The following ARMH3 variants were observed in gnomAD, a reference collection of about 807,000 sequenced individuals.
ARMH3 encodes the protein armadillo-like helical domain-containing protein 3.
A neutral mutation model predicts 99.1 loss-of-function variants in ARMH3; 60 were observed. That is an observed-to-expected ratio of 0.61 (90% CI 0.49 to 0.75). The LOEUF (loss-of-function observed/expected upper bound fraction) is 0.75, where lower values mean the gene tolerates loss of function less well. Ranked by LOEUF, ARMH3 falls within the 30% of genes least tolerant of loss-of-function variation. The pLI is 0.00. For synonymous variants in ARMH3, 285 were observed against 292.8 expected (o/e 0.97, Z 0.27); for missense variants, 679 against 843.1 (o/e 0.81, Z 2.41).
chr10:102,053,125 A>G (rs551685714), intron 1 of ARMH3, among the ~76,000 whole-genome samples: 1 of 151,542 alleles, frequency 6.6e-6, no homozygotes, highest in Admixed American at 6.6e-5. Context: ...GTCAATTGCA[A>G]CAACTCTAAT....
At chr10:101,924,836 A>C (rs1843447678) in intron 23 of ARMH3, among the ~76,000 whole-genome samples, 1 of 152,056 alleles carries the variant, frequency 6.6e-6, no homozygotes. Context: ...TCTACTAAAA[A>C]TACAAAAATT....
intron 23 of ARMH3, among the ~76,000 whole-genome samples, chr10:101,895,988 G>A (rs2067823206): frequency 6.6e-6 from 1 of 152,174 alleles, no homozygotes; most frequent in Admixed American, 6.5e-5. Flanking sequence ...TAGCAAGGCT[G>A]GGCACAGTGA....
chr10:101,900,931 C>G (rs1465882868), intron 23 of ARMH3, among the ~76,000 whole-genome samples: 3 of 152,152 alleles, frequency 2.0e-5, no homozygotes, highest in African/African-American at 7.2e-5. Context: ...TTACAGTGAG[C>G]TGTGATCATG....
At position 101,849,767 on chromosome 10, in the gene ARMH3, G is replaced by A. The variant is rs775857372; in HGVS notation, c.1977+9C>T. On this transcript the variant is annotated intron_variant, in intron 25 of 25. Coordinates refer to ENST00000370033, the MANE Select transcript of ARMH3 (RefSeq NM_024541.3). ...CCTAAGACACAGGCAGAGGCGGTGG[G>A]GCACTCACCAGCTCTTTGAAGAAGG... is the stretch of plus-strand genomic sequence containing the variant. 2.2e-5 allele frequency: 36 copies of A among 1,611,878 alleles called. No individual in the cohort carries two copies. The highest frequency in any genetic ancestry group is 3.0e-5 in the Non-Finnish European group (35 of 1,178,272).
chr10:101,961,855 G>A (rs903153915), intron 20 of ARMH3, among the ~76,000 whole-genome samples: 8 of 152,172 alleles, frequency 5.3e-5, no homozygotes, highest in African/African-American at 9.7e-5. Context: ...AACATAGTAC[G>A]GTTAATCAGT....
intron 20 of ARMH3, among the ~76,000 whole-genome samples, chr10:101,966,640 A>G (rs1244868551): frequency 3.3e-5 from 5 of 152,054 alleles, no homozygotes; most frequent in Non-Finnish European, 7.4e-5. Flanking sequence ...CACACCCCAC[A>G]AGGAACCTTT....
At chr10:101,912,690 C>T (rs949731418) in intron 23 of ARMH3, among the ~76,000 whole-genome samples, 5 of 152,168 alleles carry the variant, frequency 3.3e-5, no homozygotes, top group African/African-American at 1.2e-4. Flanking sequence ...CTGTTTAGAA[C>T]CTCCAGCATA....
At chr10:101,992,520 G>A (rs371641622) in intron 17 of ARMH3, among the ~76,000 whole-genome samples, 1 of 150,384 alleles carries the variant, frequency 6.6e-6, no homozygotes, top group East Asian at 1.9e-4. Context: ...TTTTGAGACG[G>A]AGTCTCGCTC....
intron 1 of ARMH3, among the ~76,000 whole-genome samples, chr10:102,055,784 G>A (rs953421026): frequency 4.6e-5 from 7 of 152,210 alleles, no homozygotes; most frequent in Admixed American, 1.3e-4. Flanking sequence ...CACCTCGGAA[G>A]CCAGAAGGCC....
intron 24 of ARMH3, among the ~76,000 whole-genome samples, chr10:101,866,897 TAAAAACAAACAAAC>T (rs1227958628): frequency 1.3e-5 from 2 of 152,166 alleles, no homozygotes; most frequent in Non-Finnish European, 2.9e-5. Context: ...TGTCTGTCTG[TAAAAACAAACAAAC>T]AAAAACAAAC....
chr10:101,916,342 A>C (rs897973794), intron 23 of ARMH3, among the ~76,000 whole-genome samples: 1 of 152,054 alleles, frequency 6.6e-6, no homozygotes, highest in Non-Finnish European at 1.5e-5. Context: ...CCTAAGGAAA[A>C]CCATCAGCAA....
chr10:101,946,661 A>G (rs957879548), intron 22 of ARMH3, among the ~76,000 whole-genome samples: 1 of 152,088 alleles, frequency 6.6e-6, no homozygotes, highest in African/African-American at 2.4e-5. Context: ...CCTCAGAAAC[A>G]TATGGGACAA....
chr10:101,999,731 G>C (rs1009657214), intron 15 of ARMH3, among the ~76,000 whole-genome samples: 11 of 152,258 alleles, frequency 7.2e-5, no homozygotes, highest in African/African-American at 2.2e-4. Context: ...AACTTTAGGT[G>C]ATACATGTTA....
chr10:101,954,593 G>T (rs905008648), intron 22 of ARMH3, among the ~76,000 whole-genome samples: 1 of 152,090 alleles, frequency 6.6e-6, no homozygotes, highest in African/African-American at 2.4e-5. Context: ...CTTGATTTTT[G>T]TGATAATTAC....
At chr10:101,972,999 T>G (rs919631171) in intron 20 of ARMH3, among the ~76,000 whole-genome samples, 2 of 152,094 alleles carry the variant, frequency 1.3e-5, no homozygotes, top group African/African-American at 4.8e-5. Flanking sequence ...CTTCACCATT[T>G]CCTAGTGAGA....
chr10:102,006,499 G>T, intron 14 of ARMH3, 41 bp downstream of exon 14: 1 of 1,572,400 alleles, frequency 6.4e-7, no homozygotes, highest in South Asian at 1.1e-5. Context: ...AGAGATCTAA[G>T]ATCATATTAA....
In ARMH3 at chr10:101,927,105, A is replaced by G. The variant is rs553414366; in HGVS notation, c.1781+12758T>C. On this transcript the variant is annotated intron_variant, in intron 23 of 25. Coordinates refer to ENST00000370033, the MANE Select transcript of ARMH3 (RefSeq NM_024541.3). ...CTTACCTAAAGAAATTGGAAATAAC[A>G]TATGGTAGGTCCTGCTAATTAAAAG... Among the ~76,000 whole-genome samples the G allele has an allele frequency of 9.8e-5, 15 of 152,332 alleles. No individual in the cohort carries two copies. In the East Asian group the frequency reaches 2.5e-3, roughly 25 times the overall value.
chr10:102,007,204 C>A (rs2066519254), intron 13 of ARMH3, among the ~76,000 whole-genome samples: 1 of 137,466 alleles, frequency 7.3e-6, no homozygotes, highest in Non-Finnish European at 1.6e-5. Context: ...GAAGGGACTA[C>A]TTCTGTATTT....
chr10:101,915,853 G>T (rs1843063188), intron 23 of ARMH3, among the ~76,000 whole-genome samples: 1 of 149,366 alleles, frequency 6.7e-6, no homozygotes, highest in African/African-American at 2.5e-5. Flanking sequence ...ACCCAGGTTG[G>T]ACTGCAGTGG....
Sources: gnomAD v4.1 joint callset for allele counts (sites outside exome capture counted in the v4.1 genomes callset) on GRCh38, gnomAD v4.1.1 for gene constraint, MANE v1.5 for transcripts, NCBI Gene and HGNC (gene_info 2026-07-23, HGNC 2026-07-21) for gene names.